Variants in KCNMB2 observed in about 807,000 individuals in gnomAD.
KCNMB2 encodes potassium calcium-activated channel subfamily M regulatory beta subunit 2.
Under a neutral mutation model 24.5 loss-of-function variants are expected in KCNMB2, and 9 were observed. That is an observed-to-expected ratio of 0.37 (90% CI 0.22 to 0.64). KCNMB2 has a LOEUF of 0.64. Ranked by LOEUF, KCNMB2 falls within the 30% of genes least tolerant of loss-of-function variation. The probability of loss-of-function intolerance (pLI) is 0.63; values close to 1 mark genes in which losing one functional copy is unlikely to be tolerated. For synonymous variants in KCNMB2, 109 were observed against 104.4 expected (o/e 1.04, Z -0.27); for missense variants, 226 against 284.3 (o/e 0.79, Z 1.47).
At chr3:178,585,528 T>C (rs1717395875) in intron 1 of KCNMB2, among the ~76,000 whole-genome samples, 3 of 152,142 alleles carry the variant, frequency 2.0e-5, no homozygotes, top group Non-Finnish European at 4.4e-5. Context: ...TTTTTAGGGT[T>C]GGGAAGGGGA....
intron 1 of KCNMB2, among the ~76,000 whole-genome samples, chr3:178,769,352 C>A (rs956778479): frequency 6.6e-6 from 1 of 152,118 alleles, no homozygotes; most frequent in African/African-American, 2.4e-5. Flanking sequence ...AGTTCTTGCA[C>A]CAGGACAGGG....
chr3:178,807,330 G>A lies in KCNMB2; in HGVS notation c.-67-13G>A. 1.8e-6 allele frequency: 2 copies of A among 1,141,866 alleles called. No individual in the cohort carries two copies. The highest frequency in any genetic ancestry group is 2.6e-6 in the Non-Finnish European group (2 of 762,428). 70.7% of individuals were successfully genotyped at this position (1,141,866 alleles called of 1,614,324 possible). On this transcript the variant is annotated splice_polypyrimidine_tract_variant and intron_variant, in intron 1 of 4. Coordinates refer to ENST00000452583, the MANE Select transcript of KCNMB2 (RefSeq NM_181361.3). ...TATTTGTTGCTGTTAACTTCATTGT[G>A]TACCTCTTCTAGGTCTTTTTGCCAT...
chr3:178,730,668 G>C (rs1157724880), intron 1 of KCNMB2, among the ~76,000 whole-genome samples: 1 of 152,124 alleles, frequency 6.6e-6, no homozygotes, highest in African/African-American at 2.4e-5. Flanking sequence ...AACTTCTTCA[G>C]CTTTGCCTGG....
chr3:178,574,744 G>A (rs1282076178), intron 1 of KCNMB2, among the ~76,000 whole-genome samples: 3 of 152,126 alleles, frequency 2.0e-5, no homozygotes, highest in South Asian at 4.2e-4. Context: ...TCTATGTGCT[G>A]GATGATACAA....
chr3:178,832,078 T>C (rs1350225501), intron 4 of KCNMB2, among the ~76,000 whole-genome samples: 1 of 152,198 alleles, frequency 6.6e-6, no homozygotes, highest in East Asian at 1.9e-4. Context: ...TTTCCATTTT[T>C]ATTATTCGTA....
intron 1 of KCNMB2, among the ~76,000 whole-genome samples, chr3:178,651,671 T>C (rs1038759321): frequency 6.6e-6 from 1 of 152,098 alleles, no homozygotes; most frequent in Non-Finnish European, 1.5e-5. Context: ...CTTCAAACTA[T>C]ACTACAAGGC....
At chr3:178,652,961 T>C (rs2019148) in intron 1 of KCNMB2, among the ~76,000 whole-genome samples, 116,746 of 152,044 alleles carry the variant, frequency 0.77, 45,539 homozygotes, top group African/African-American at 0.92. Context: ...CTGCTCCCAG[T>C]CCTCTATATA....
intron 1 of KCNMB2, among the ~76,000 whole-genome samples, chr3:178,596,437 G>T (rs1381023760): frequency 2.0e-5 from 3 of 152,030 alleles, no homozygotes; most frequent in Admixed American, 2.0e-4. Flanking sequence ...TGATCACAAA[G>T]CTACTAATAA....
chr3:178,611,443 G>A (rs891719742), intron 1 of KCNMB2, among the ~76,000 whole-genome samples: 8 of 152,190 alleles, frequency 5.3e-5, no homozygotes, highest in Admixed American at 3.3e-4. Flanking sequence ...AGTGGCTCAC[G>A]CCTGTAATCC....
rs551584960 is a variant in KCNMB2, at chr3:178,720,583, T to G, written c.-67-86760T>G. ...TGACTTCCACAATGGTTGAACTACT[T>G]TACAGTCCCACCAACAGTGTAAAAG... is the stretch of plus-strand genomic sequence containing the variant. On this transcript the variant is annotated intron_variant, in intron 1 of 4. Coordinates refer to ENST00000452583, the MANE Select transcript of KCNMB2 (RefSeq NM_181361.3). Among the ~76,000 whole-genome samples the G allele has an allele frequency of 3.6e-3, 459 of 127,950 alleles. 1 individual carries two copies. The Middle Eastern group carries it at 0.06, about 17-fold the overall frequency. The allele number at this position is 127,950 out of a possible 152,430, so 83.9% of individuals were successfully genotyped here.
intron 1 of KCNMB2, among the ~76,000 whole-genome samples, chr3:178,771,433 G>C (rs1712345411): frequency 6.9e-6 from 1 of 145,380 alleles, no homozygotes; most frequent in Non-Finnish European, 1.5e-5. Context: ...GGCCTTTTGT[G>C]ATCTGGCTTC....
At chr3:178,760,842 T>C (rs1711832505) in intron 1 of KCNMB2, among the ~76,000 whole-genome samples, 2 of 151,924 alleles carry the variant, frequency 1.3e-5, no homozygotes. Context: ...TACATGTAAG[T>C]GTTGGCCATT....
rs370162911 is a variant in KCNMB2 at position 178,617,705 on chromosome 3, C to T, written c.-68+80994C>T. Among the ~76,000 whole-genome samples, 5 of 151,702 alleles carry T rather than the reference C, an allele frequency of 3.3e-5. No individual in the cohort carries two copies. The South Asian group carries it at 6.2e-4, about 19-fold the overall frequency. ...GAGATCAAGATCATCCTGGCCAACA[C>T]GATGAAACCCCGTCTCTACTAAAAA... On this transcript the variant is annotated intron_variant, in intron 1 of 4. Coordinates refer to ENST00000452583, the MANE Select transcript of KCNMB2 (RefSeq NM_181361.3).
intron 1 of KCNMB2, among the ~76,000 whole-genome samples, chr3:178,680,929 C>T (rs1326488923): frequency 6.6e-6 from 1 of 152,146 alleles, no homozygotes; most frequent in Non-Finnish European, 1.5e-5. Flanking sequence ...TTTCAGGCTA[C>T]CTCTGTGTCC....
At chr3:178,759,614 T>C (rs1312432838) in intron 1 of KCNMB2, among the ~76,000 whole-genome samples, 3 of 130,448 alleles carry the variant, frequency 2.3e-5, no homozygotes, top group Middle Eastern at 0.011. Context: ...AGGATATATA[T>C]ACATATATCT....
At chr3:178,813,335 G>T (rs1714270736) in intron 2 of KCNMB2, among the ~76,000 whole-genome samples, 1 of 151,990 alleles carries the variant, frequency 6.6e-6, no homozygotes, top group Non-Finnish European at 1.5e-5. Flanking sequence ...TATCAATCAT[G>T]ATATCATTTT....
At chr3:178,757,702 C>A (rs1479455277) in intron 1 of KCNMB2, among the ~76,000 whole-genome samples, 3 of 42,400 alleles carry the variant, frequency 7.1e-5, no homozygotes, top group Non-Finnish European at 1.4e-4. Context: ...GTATATATAT[C>A]CAAGAGGATA....
At chr3:178,779,238 A>G (rs1332036779) in intron 1 of KCNMB2, among the ~76,000 whole-genome samples, 1 of 152,156 alleles carries the variant, frequency 6.6e-6, no homozygotes, top group Non-Finnish European at 1.5e-5. Flanking sequence ...TTTCCCAGAA[A>G]TTCTTCCCAC....
intron 2 of KCNMB2, among the ~76,000 whole-genome samples, chr3:178,823,551 A>AACCAATACT (rs1424712251): frequency 6.6e-6 from 1 of 152,236 alleles, no homozygotes; most frequent in Non-Finnish European, 1.5e-5. Context: ...AATTTTGCAC[A>AACCAATACT]ACCAATACTT....
Sources: allele counts gnomAD v4.1 joint callset (sites outside exome capture counted in the v4.1 genomes callset), GRCh38; gene constraint gnomAD v4.1.1; transcripts MANE v1.5; gene names NCBI Gene and HGNC (gene_info 2026-07-23, HGNC 2026-07-21).